Variants in UBE2D2 observed in about 807,000 individuals in gnomAD.
UBE2D2 encodes the protein ubiquitin-conjugating enzyme E2 D2.
A neutral mutation model predicts 24.2 loss-of-function variants in UBE2D2; 2 were observed. The observed-to-expected ratio is 0.08, with a 90% CI of 0.03 to 0.26. The LOEUF is 0.26. Ranked by LOEUF, UBE2D2 falls within the 10% of genes least tolerant of loss-of-function variation. UBE2D2 has a pLI of 1.00. For synonymous variants in UBE2D2, 58 were observed against 56.5 expected, an observed-to-expected ratio of 1.03 and a Z score of -0.12; for missense variants, 44 against 177.6, an observed-to-expected ratio of 0.25 and a Z score of 4.28.
At chr5:139,558,177 C>T (rs551374251), upstream of UBE2D2, among the ~76,000 whole-genome samples, 63 of 152,150 alleles carry the variant, frequency 4.1e-4, no homozygotes, top group African/African-American at 1.5e-3. Flanking sequence ...AACAAATGTT[C>T]CCCAAAATGT....
intron 1 of UBE2D2, among the ~76,000 whole-genome samples, chr5:139,531,223 T>C (rs913520206): frequency 3.9e-5 from 6 of 152,220 alleles, no homozygotes; most frequent in African/African-American, 1.4e-4. Context: ...TGGGCCTGCC[T>C]GGCCTAAACC....
At chr5:139,594,452 T>G (rs1753917546) in intron 1 of UBE2D2, among the ~76,000 whole-genome samples, 1 of 152,118 alleles carries the variant, frequency 6.6e-6, no homozygotes, top group Non-Finnish European at 1.5e-5. Context: ...CAGTCTCTAT[T>G]GCCCAGGCTG....
At chr5:139,566,510 C>CA (rs141042104) in intron 1 of UBE2D2, among the ~76,000 whole-genome samples, 7,913 of 151,896 alleles carry the variant, frequency 0.052, 705 homozygotes, top group African/African-American at 0.18. Context: ...ATGGTCTTTA[C>CA]AAAAAATACA....
intron 1 of UBE2D2, among the ~76,000 whole-genome samples, chr5:139,527,929 C>T (rs1262602958): frequency 6.6e-6 from 1 of 152,208 alleles, no homozygotes; most frequent in Non-Finnish European, 1.5e-5. Context: ...CTGATTGTCC[C>T]CCTTCCACTA....
At chr5:139,561,965 G>A in intron 1 of UBE2D2, 150 bp downstream of exon 1, 6 of 1,145,058 alleles carry the variant, frequency 5.2e-6, no homozygotes, top group Non-Finnish European at 5.9e-6. Context: ...CACTCCCAGT[G>A]ATGGCGCCCG....
intron 2 of UBE2D2, among the ~76,000 whole-genome samples, chr5:139,613,597 C>CT (rs1461003583): frequency 6.6e-6 from 1 of 152,178 alleles, no homozygotes; most frequent in South Asian, 2.1e-4. Flanking sequence ...AATTTTACTC[C>CT]TTTTTTCTCT....
intron 1 of UBE2D2, among the ~76,000 whole-genome samples, chr5:139,549,765 G>T (rs1045800585): frequency 5.9e-5 from 9 of 152,234 alleles, no homozygotes; most frequent in African/African-American, 2.2e-4. Context: ...ACTCCGCCCC[G>T]GCCCAGCACA....
At chr5:139,595,755 G>A (rs1753944623) in intron 1 of UBE2D2, among the ~76,000 whole-genome samples, 1 of 151,922 alleles carries the variant, frequency 6.6e-6, no homozygotes, top group Admixed American at 6.6e-5. Flanking sequence ...TTTCAAATGG[G>A]CAATATACAC....
chr5:139,620,720 T>C (rs1754498438), intron 5 of UBE2D2, among the ~76,000 whole-genome samples: 1 of 152,204 alleles, frequency 6.6e-6, no homozygotes, highest in African/African-American at 2.4e-5. Flanking sequence ...ATAGGATAGA[T>C]TTGGTAGGAA....
chr5:139,608,210 T>C (rs982217561), intron 2 of UBE2D2, among the ~76,000 whole-genome samples: 1 of 151,962 alleles, frequency 6.6e-6, no homozygotes, highest in African/African-American at 2.4e-5. Flanking sequence ...GGTGGGCGGA[T>C]TGCCTGAGCT....
At chr5:139,621,749 A>C (rs934792078) in intron 5 of UBE2D2, among the ~76,000 whole-genome samples, 1 of 152,014 alleles carries the variant, frequency 6.6e-6, no homozygotes, top group Non-Finnish European at 1.5e-5. Context: ...CAGCCTCCTG[A>C]GTAGCTGGGA....
chr5:139,546,817 T>TCTTCCTTCCTTCCTTCCTTCCTTCCTTC (rs59929319), intron 1 of UBE2D2, among the ~76,000 whole-genome samples: 1 of 138,302 alleles, frequency 7.2e-6, no homozygotes, highest in African/African-American at 2.7e-5. Context: ...CTTCTTTCTT[T>TCTTCCTTCCTTCCTTCCTTCCTTCCTTC]CTTCCTTCCT....
rs528178317 is a variant in UBE2D2 at position 139,537,169 on chromosome 5, C to T, written c.-64+10557C>T. Among the ~76,000 whole-genome samples the T allele has an allele frequency of 4.8e-5, 7 of 146,392 alleles. No individual in the cohort carries two copies. In the South Asian group the frequency reaches 1.1e-3, roughly 23 times the overall value. On this transcript the variant is annotated intron_variant, in intron 1 of 6. Coordinates refer to the UBE2D2 transcript ENST00000511725. ...CTGCACTCCAGCCTGGGAGACAGAG[C>T]GAGACTCTGTCTCACAAAAAAAAAA...
At chr5:139,564,691 G>C (rs1753181477) in intron 1 of UBE2D2, among the ~76,000 whole-genome samples, 1 of 152,098 alleles carries the variant, frequency 6.6e-6, no homozygotes, top group Non-Finnish European at 1.5e-5. Flanking sequence ...CTGACCTCAA[G>C]TGTTCTGCCA....
At chr5:139,624,984 A>G (rs75914660) in intron 6 of UBE2D2, among the ~76,000 whole-genome samples, 2,100 of 152,230 alleles carry the variant, frequency 0.014, 50 homozygotes, top group African/African-American at 0.048. Context: ...GTCATTTCCC[A>G]AGTCATCATG....
rs1132734 is a variant in UBE2D2, at chr5:139,561,784, C to G, written c.-8C>G. The G allele has an allele frequency of 4.0e-5, 60 of 1,504,476 alleles. No homozygotes were observed. The highest frequency in any genetic ancestry group is 5.1e-5 in the Non-Finnish European group (58 of 1,133,882). 93.2% of individuals were successfully genotyped at this position (1,504,476 alleles called of 1,614,324 possible). The stretch of plus-strand genomic sequence containing the variant: ...CGCCCCGGGGGCCGCCGCCACCCGC[C>G]TCCCACCATGGCTCTGAAGAGAATC... On this transcript the variant is annotated 5_prime_UTR_variant, in exon 1 of 7. Transcript: ENST00000398733.
At chr5:139,552,628 C>G (rs1288740346) in intron 1 of UBE2D2, among the ~76,000 whole-genome samples, 1 of 149,726 alleles carries the variant, frequency 6.7e-6, no homozygotes, top group Non-Finnish European at 1.5e-5. Flanking sequence ...CCTGCCTCAG[C>G]CTCCCGAGTA....
rs970928141 is a variant in UBE2D2, at chr5:139,561,461, G to C, written c.-331G>C. Reference sequence around the variant, plus strand: ...AGAGGCCGGCCGAGCCCGAGGCTTGGGCTTTTGCTTTCTGGCGGAGGGATC... The same window carrying C: ...AGAGGCCGGCCGAGCCCGAGGCTTGCGCTTTTGCTTTCTGGCGGAGGGATC... On this transcript the variant is annotated 5_prime_UTR_variant, in exon 1 of 7. Transcript: ENST00000398733. The C allele has an allele frequency of 3.1e-6, 1 of 318,556 alleles. No individual in the cohort carries two copies. The highest frequency in any genetic ancestry group is 5.7e-6 in the Non-Finnish European group (1 of 173,916). 19.7% of individuals were successfully genotyped at this position (318,556 alleles called of 1,614,324 possible). A position where few individuals can be genotyped will look rare whatever the true frequency, so the allele number is the denominator to read the frequency against.
chr5:139,581,014 C>T (rs1490764901), intron 1 of UBE2D2, among the ~76,000 whole-genome samples: 3 of 151,902 alleles, frequency 2.0e-5, no homozygotes, highest in South Asian at 2.1e-4. Context: ...ATTGAAATGG[C>T]GGAAAAGGGC....
Sources: allele counts gnomAD v4.1 joint callset (sites outside exome capture counted in the v4.1 genomes callset), GRCh38; gene constraint gnomAD v4.1.1; transcripts MANE v1.5; gene names NCBI Gene and HGNC (gene_info 2026-07-23, HGNC 2026-07-21).